Variants in SYT16 observed in about 807,000 individuals in gnomAD.
SYT16 encodes the protein synaptotagmin-16.
A neutral mutation model predicts 61.4 loss-of-function variants in SYT16; 42 were observed. The observed-to-expected ratio is 0.68, with a 90% confidence interval of 0.53 to 0.89. The LOEUF (loss-of-function observed/expected upper bound fraction) is 0.89, where lower values mean the gene tolerates loss of function less well. Among genes scored for constraint, SYT16 ranks in the 40% least tolerant of loss-of-function variants. The pLI, the probability that SYT16 is intolerant of heterozygous loss-of-function variation, is 0.00. For missense variants in SYT16, 804 were observed against 807.3 expected, an observed-to-expected ratio of 1.00 and a Z score of 0.05; for synonymous variants, 314 against 302.3, an observed-to-expected ratio of 1.04 and a Z score of -0.40.
At chr14:61,947,267 C>CGT (rs59798244) in intron 1 of SYT16, among the ~76,000 whole-genome samples, 20,828 of 125,672 alleles carry the variant, frequency 0.17, 1,480 homozygotes, top group South Asian at 0.2. Context: ...TTTAGTCCTT[C>CGT]GTGTGTGTGT....
intron 1 of SYT16, among the ~76,000 whole-genome samples, chr14:61,966,092 A>T (rs1284858006): frequency 6.6e-6 from 1 of 152,188 alleles, no homozygotes; most frequent in East Asian, 1.9e-4. Flanking sequence ...GGACTTACTT[A>T]AAAATGTTAT....
At chr14:62,087,380 G>A (rs897392629) in intron 7 of SYT16, among the ~76,000 whole-genome samples, 3 of 152,210 alleles carry the variant, frequency 2.0e-5, no homozygotes, top group Admixed American at 2.0e-4. Flanking sequence ...CAGGGTCGCC[G>A]CCGGCCAGGG....
At chr14:61,860,730 C>CT (rs1204135832) in intron 1 of SYT16, among the ~76,000 whole-genome samples, 1 of 152,168 alleles carries the variant, frequency 6.6e-6, no homozygotes, top group Non-Finnish European at 1.5e-5. Flanking sequence ...TGCTGCACTA[C>CT]ATTGAGGATC....
chr14:62,036,886 A>G (rs570228289), intron 3 of SYT16, among the ~76,000 whole-genome samples: 7 of 152,306 alleles, frequency 4.6e-5, no homozygotes, highest in Admixed American at 4.6e-4. Context: ...TGCTCACAGT[A>G]GATTCCTGAG....
intron 1 of SYT16, among the ~76,000 whole-genome samples, chr14:61,932,084 C>G (rs998646454): frequency 6.6e-6 from 1 of 152,238 alleles, no homozygotes; most frequent in African/African-American, 2.4e-5. Context: ...GAACTGGACA[C>G]TGCTTTAACC....
At chr14:61,826,485 G>C (rs369561835) in intron 1 of SYT16, among the ~76,000 whole-genome samples, 8 of 151,956 alleles carry the variant, frequency 5.3e-5, no homozygotes, top group Non-Finnish European at 1.0e-4. Context: ...TCCTGTCTCT[G>C]TCTCTCTCCC....
intron 2 of SYT16, among the ~76,000 whole-genome samples, chr14:61,979,230 T>C (rs2051951321): frequency 1.3e-5 from 2 of 152,216 alleles, no homozygotes; most frequent in African/African-American, 2.4e-5. Context: ...TTTGGCTCCT[T>C]GAGATGGAGA....
intron 2 of SYT16, among the ~76,000 whole-genome samples, chr14:61,976,383 G>T (rs557393883): frequency 1.3e-5 from 2 of 152,202 alleles, no homozygotes; most frequent in Non-Finnish European, 2.9e-5. Context: ...GGGACCCTGT[G>T]TGGGGGCTTC....
chr14:61,845,969 A>G (rs2046436213), intron 1 of SYT16, among the ~76,000 whole-genome samples: 1 of 152,222 alleles, frequency 6.6e-6, no homozygotes, highest in South Asian at 2.1e-4. Flanking sequence ...TTTAATTTCC[A>G]TGTATTTGTA....
chr14:62,049,184 G>C (rs1189040856), intron 3 of SYT16, among the ~76,000 whole-genome samples: 2 of 152,238 alleles, frequency 1.3e-5, no homozygotes, highest in Non-Finnish European at 2.9e-5. Flanking sequence ...TATATATTTA[G>C]GATAGTTAGC....
chr14:61,967,113 A>T (rs933923616), intron 1 of SYT16, among the ~76,000 whole-genome samples: 1 of 152,224 alleles, frequency 6.6e-6, no homozygotes, highest in Non-Finnish European at 1.5e-5. Flanking sequence ...GAAGCATGGT[A>T]TCAGATTAGC....
At chr14:61,862,426 T>C (rs939774887) in intron 1 of SYT16, among the ~76,000 whole-genome samples, 1 of 152,232 alleles carries the variant, frequency 6.6e-6, no homozygotes, top group African/African-American at 2.4e-5. Flanking sequence ...AGATTCATCA[T>C]TGTTCTTGTG....
At chr14:61,815,815 G>C (rs906768932) in intron 1 of SYT16, among the ~76,000 whole-genome samples, 3 of 152,136 alleles carry the variant, frequency 2.0e-5, no homozygotes, top group Non-Finnish European at 2.9e-5. Flanking sequence ...ATAATATTTT[G>C]TTTCCAGAAC....
chr14:61,837,658 G>C (rs907113107), intron 1 of SYT16, among the ~76,000 whole-genome samples: 1 of 152,072 alleles, frequency 6.6e-6, no homozygotes, highest in African/African-American at 2.4e-5. Flanking sequence ...CCGCTCAGTG[G>C]AAAAGTCCTC....
intron 7 of SYT16, among the ~76,000 whole-genome samples, chr14:62,092,685 AT>A (rs972376061): frequency 1.2e-4 from 19 of 152,032 alleles, no homozygotes; most frequent in African/African-American, 4.1e-4. Context: ...AGAAAAAAAA[AT>A]CATAAAAGCC....
At position 61,996,303 on chromosome 14, in the gene SYT16, A is replaced by T; in HGVS notation, c.284A>T (p.Asn95Ile). ...FLEVDHFSCC[N>I]SDLQDSAQNS... is the part of the protein sequence containing the mutation. The stretch of plus-strand genomic sequence containing the variant: ...GAAGTGGATCATTTCTCATGTTGTA[A>T]TAGTGATTTGCAGGACTCTGCCCAA... The change falls in exon 3 of 8, where the codon AAT (asparagine) becomes ATT (isoleucine). Residue 95 changes from asparagine to isoleucine, a missense_variant. Coordinates refer to ENST00000683842, the MANE Select transcript of SYT16 (RefSeq NM_001367656.1). The T allele has an allele frequency of 6.2e-7, 1 of 1,613,526 alleles. No homozygotes were observed.
intron 3 of SYT16, among the ~76,000 whole-genome samples, chr14:62,009,296 A>G (rs2053349357): frequency 6.6e-6 from 1 of 152,216 alleles, no homozygotes; most frequent in Non-Finnish European, 1.5e-5. Flanking sequence ...GTCCAGAAAG[A>G]TACATCATGA....
Position 62,009,350 on chromosome 14 carries a change from C to T in SYT16, c.523+12808C>T, listed in dbSNP as rs143886528. ...AATGACACTTCATGGGTTCATGGAC[C>T]TCCTGAATTTTATCTGTCTTACTCT... On this transcript the variant is annotated intron_variant, in intron 3 of 7. Coordinates refer to ENST00000683842, the MANE Select transcript of SYT16 (RefSeq NM_001367656.1). 3.3e-5 allele frequency among the ~76,000 whole-genome samples: 5 copies of T among 152,196 alleles called. No individual in the cohort carries two copies. The East Asian group carries it at 5.8e-4, about 18-fold the overall frequency.
chr14:62,070,776 T>G (rs963609139), intron 4 of SYT16, among the ~76,000 whole-genome samples: 1 of 152,206 alleles, frequency 6.6e-6, no homozygotes, highest in Non-Finnish European at 1.5e-5. Context: ...CATGACCTGG[T>G]CTCAGTTACC....
Sources: gnomAD v4.1 joint callset for allele counts (sites outside exome capture counted in the v4.1 genomes callset) on GRCh38, gnomAD v4.1.1 for gene constraint, MANE v1.5 for transcripts, NCBI Gene and HGNC (gene_info 2026-07-23, HGNC 2026-07-21) for gene names.